Variants in TNPO1 observed in about 807,000 individuals in gnomAD.
TNPO1 encodes the protein transportin 1.
Under a neutral mutation model 119.5 loss-of-function variants are expected in TNPO1, and 8 were observed. That is an observed-to-expected ratio of 0.07 (90% confidence interval 0.04 to 0.12). TNPO1 has a LOEUF of 0.12. TNPO1 is among the 10% of genes least tolerant of loss of function. TNPO1 has a pLI of 1.00. For missense variants in TNPO1, 576 were observed against 1,089.8 expected (o/e 0.53, Z 6.64); for synonymous variants, 362 against 363.0 (o/e 1.00, Z 0.03).
chr5:72,854,723 C>T (rs1745846916), intron 3 of TNPO1, among the ~76,000 whole-genome samples: 1 of 152,082 alleles, frequency 6.6e-6, no homozygotes, highest in African/African-American at 2.4e-5. Flanking sequence ...GGTGTTGATG[C>T]CAACTGGTAA....
intron 16 of TNPO1, 41 bp downstream of exon 16, chr5:72,893,287 A>T (rs752478822): frequency 1.2e-6 from 2 of 1,605,742 alleles, no homozygotes; most frequent in Non-Finnish European, 1.7e-6. Flanking sequence ...GACATGGTGG[A>T]CATTTTTCTA....
intron 20 of TNPO1, among the ~76,000 whole-genome samples, chr5:72,899,427 C>CACTG: frequency 6.6e-6 from 1 of 152,016 alleles, no homozygotes; most frequent in Non-Finnish European, 1.5e-5. Context: ...AACAAATTTC[C>CACTG]ACTGGTTGGT....
chr5:72,904,413 T>TA (rs1481694716), intron 23 of TNPO1, among the ~76,000 whole-genome samples: 1 of 152,182 alleles, frequency 6.6e-6, no homozygotes, highest in African/African-American at 2.4e-5. Flanking sequence ...TGCCAAAGTC[T>TA]AAACTTCTCA....
chr5:72,890,925 C>G (rs745909125), intron 14 of TNPO1, among the ~76,000 whole-genome samples: 1 of 152,070 alleles, frequency 6.6e-6, no homozygotes, highest in Non-Finnish European at 1.5e-5. Context: ...GTGATCACAG[C>G]TCATTGCAAC....
chr5:72,826,678 A>C (rs1345788497), intron 1 of TNPO1, among the ~76,000 whole-genome samples: 1 of 152,212 alleles, frequency 6.6e-6, no homozygotes, highest in Non-Finnish European at 1.5e-5. Context: ...GAGTAACAAA[A>C]TCTGTATAAT....
At chr5:72,819,342 A>G (rs1743842041) in intron 1 of TNPO1, among the ~76,000 whole-genome samples, 1 of 152,208 alleles carries the variant, frequency 6.6e-6, no homozygotes, top group Non-Finnish European at 1.5e-5. Flanking sequence ...AAACCACAGC[A>G]AGTGGTAACT....
At chr5:72,868,490 G>A (rs984980100) in intron 6 of TNPO1, among the ~76,000 whole-genome samples, 3 of 149,304 alleles carry the variant, frequency 2.0e-5, no homozygotes, top group African/African-American at 7.4e-5. Context: ...ATTTGTGGGT[G>A]TGTTATGGGG....
At chr5:72,868,407 G>A (rs556620635) in intron 6 of TNPO1, among the ~76,000 whole-genome samples, 1 of 109,586 alleles carries the variant, frequency 9.1e-6, no homozygotes, top group Non-Finnish European at 1.7e-5. Flanking sequence ...ACTCCAGCCT[G>A]GATGACAGAG....
chr5:72,848,467 C>T lies in TNPO1; in HGVS notation c.98C>T (p.Pro33Leu). Reference protein sequence around the residue: ...ILQLLKESQSPDTTIQRTVQQ... With the variant: ...ILQLLKESQSLDTTIQRTVQQ... ...CAGCTGTTGAAGGAGTCCCAGTCCC[C>T]AGACACCACCATCCAGAGAACCGTG... Residue 33 changes from proline to leucine, a missense_variant, in exon 2 of 25, where the codon CCA becomes CTA. Coordinates refer to ENST00000337273, the MANE Select transcript of TNPO1 (RefSeq NM_002270.4). The T allele has an allele frequency of 6.2e-7, 1 of 1,610,986 alleles. No homozygotes were observed.
intron 1 of TNPO1, among the ~76,000 whole-genome samples, chr5:72,822,888 CG>C (rs1217027831): frequency 6.7e-6 from 1 of 150,070 alleles, no homozygotes; most frequent in African/African-American, 2.5e-5. Context: ...CCACTGCGCC[CG>C]GCCTGGCCTG....
At chr5:72,902,602 A>G (rs971550131) in intron 22 of TNPO1, among the ~76,000 whole-genome samples, 6 of 152,004 alleles carry the variant, frequency 3.9e-5, no homozygotes, top group Admixed American at 6.6e-5. Flanking sequence ...TTTCAAAAGT[A>G]TCTTCCGACC....
rs1163011243 is a variant in TNPO1 at position 72,893,249 on chromosome 5, A to G, written c.1896+3A>G. 6.2e-6 allele frequency: 10 copies of G among 1,612,024 alleles called. No homozygotes were observed. The highest frequency in any genetic ancestry group is 8.5e-6 in the Non-Finnish European group (10 of 1,179,390). ...AGAAGACTCTTGCACAAGCCATGGT[A>G]ATTTTTTTAAAATGTCTTCCTCTTC... On this transcript the variant is annotated splice_donor_region_variant and intron_variant, in intron 16 of 24. Transcript: ENST00000337273.
chr5:72,864,055 C>G (rs1350932521), intron 5 of TNPO1, among the ~76,000 whole-genome samples: 5 of 151,814 alleles, frequency 3.3e-5, no homozygotes, highest in African/African-American at 9.7e-5. Context: ...AATGTTTGTT[C>G]TTATTTGAAA....
chr5:72,839,163 G>A (rs562942875), intron 1 of TNPO1, among the ~76,000 whole-genome samples: 1 of 152,268 alleles, frequency 6.6e-6, no homozygotes, highest in African/African-American at 2.4e-5. Context: ...GTTGAATGTA[G>A]CAGTGGGACA....
chr5:72,876,949 G>A (rs113831877), intron 8 of TNPO1, among the ~76,000 whole-genome samples: 8 of 152,060 alleles, frequency 5.3e-5, no homozygotes, highest in African/African-American at 1.9e-4. Context: ...AAAAAAATTA[G>A]CCGGGTGTGG....
intron 1 of TNPO1, among the ~76,000 whole-genome samples, chr5:72,836,053 G>A (rs1384648908): frequency 6.6e-6 from 1 of 152,234 alleles, no homozygotes; most frequent in Non-Finnish European, 1.5e-5. Context: ...GCTGGGCACA[G>A]CCTATGCTGC....
chr5:72,883,706 T>C (rs1219802938), intron 11 of TNPO1, among the ~76,000 whole-genome samples: 1 of 152,194 alleles, frequency 6.6e-6, no homozygotes, highest in African/African-American at 2.4e-5. Context: ...TAAATACTCA[T>C]GTATAATTTT....
intron 1 of TNPO1, among the ~76,000 whole-genome samples, chr5:72,837,863 A>G (rs1227283679): frequency 1.3e-5 from 2 of 152,228 alleles, no homozygotes; most frequent in Non-Finnish European, 2.9e-5. Context: ...AGCGTCAATA[A>G]TTAACAGAAC....
chr5:72,897,918 A>G (rs1003581894), intron 20 of TNPO1, among the ~76,000 whole-genome samples: 1 of 152,124 alleles, frequency 6.6e-6, no homozygotes, highest in East Asian at 1.9e-4. Flanking sequence ...TCCAAATAAG[A>G]AAGTTACTTT....
Sources: allele counts gnomAD v4.1 joint callset (sites outside exome capture counted in the v4.1 genomes callset), GRCh38; gene constraint gnomAD v4.1.1; transcripts MANE v1.5; gene names NCBI Gene and HGNC (gene_info 2026-07-23, HGNC 2026-07-21).